Variants in SPOCK3 observed in about 807,000 individuals in gnomAD.
The protein encoded by SPOCK3 is testican-3.
In SPOCK3, 30 loss-of-function variants were observed where a neutral mutation model predicts 56.6. The observed-to-expected ratio is 0.53, with a 90% CI of 0.40 to 0.72. SPOCK3 has a LOEUF of 0.72. Among genes scored for constraint, SPOCK3 ranks in the 30% least tolerant of loss-of-function variants. SPOCK3 has a pLI of 0.00. For missense variants in SPOCK3, 527 were observed against 530.0 expected, an observed-to-expected ratio of 0.99 and a Z score of 0.06; for synonymous variants, 196 against 183.3, an observed-to-expected ratio of 1.07 and a Z score of -0.56.
chr4:167,204,912 G>A (rs1030604193), intron 2 of SPOCK3, among the ~76,000 whole-genome samples: 15 of 149,578 alleles, frequency 1.0e-4, no homozygotes, highest in East Asian at 2.0e-4. Context: ...TGCACCTTTC[G>A]ACTCCTGGGA....
At chr4:167,106,293 C>G (rs140373898) in intron 2 of SPOCK3, among the ~76,000 whole-genome samples, 1 of 151,722 alleles carries the variant, frequency 6.6e-6, no homozygotes, top group Non-Finnish European at 1.5e-5. Context: ...TCTTCTCTGA[C>G]CACAATGCAA....
At chr4:167,196,171 C>A (rs2110886466) in intron 2 of SPOCK3, among the ~76,000 whole-genome samples, 2 of 152,182 alleles carry the variant, frequency 1.3e-5, no homozygotes, top group Middle Eastern at 6.8e-3. Context: ...TAAAAATATA[C>A]CAAAAGCTAC....
chr4:166,955,463 ATAT>A (rs1282607168), intron 4 of SPOCK3, among the ~76,000 whole-genome samples: 1 of 146,598 alleles, frequency 6.8e-6, no homozygotes, highest in Non-Finnish European at 1.5e-5. Context: ...TATAATATAA[ATAT>A]TATATTATAT....
intron 2 of SPOCK3, among the ~76,000 whole-genome samples, chr4:167,176,312 G>T (rs1280941526): frequency 1.3e-5 from 2 of 151,994 alleles, no homozygotes; most frequent in Non-Finnish European, 2.9e-5. Context: ...ACCATCTTTG[G>T]GGAACCATTT....
In SPOCK3 at chr4:166,735,013, C is replaced by T. The variant is rs866508166; in HGVS notation, c.1210G>A (p.Asp404Asn). 27 of 1,563,602 alleles carry T rather than the reference C, an allele frequency of 1.7e-5. No homozygotes were observed. Among genetic ancestry groups the T allele is most frequent in the Non-Finnish European group, 2.3e-5 (26 of 1,135,056 alleles). The change falls in exon 11 of 11, where the codon GAT becomes AAT. Residue 404 changes from aspartate (D) to asparagine (N), a missense_variant. Transcript: ENST00000357545. ...ATTTCATCTTCATCATTCATAATAT[C>T]GTCTTCATCATCCTCATCATCAGTC... is the stretch of plus-strand genomic sequence containing the variant. The part of the protein sequence containing the change: ...EWTDDEDDED[D>N]IMNDEDEIED...
At position 167,092,480 on chromosome 4, in the gene SPOCK3, T is replaced by C. The variant is rs139572911; in HGVS notation, c.190-29943A>G. Among the ~76,000 whole-genome samples, 52 of 152,292 alleles carry C rather than the reference T, an allele frequency of 3.4e-4. 2 individuals carry two copies. The East Asian group carries it at 9.8e-3, about 29-fold the overall frequency. On this transcript the variant is annotated intron_variant, in intron 2 of 10. Coordinates refer to ENST00000357545, the MANE Select transcript of SPOCK3 (RefSeq NM_001040159.2). ...TCTCCTCTGAATTATTGCATTGATC[T>C]GATTTGATAAAATGTATTTGAAACT...
intron 7 of SPOCK3, among the ~76,000 whole-genome samples, chr4:166,786,198 T>C (rs945691915): frequency 5.9e-5 from 9 of 152,090 alleles, no homozygotes; most frequent in Admixed American, 4.6e-4. Context: ...GCCATACAGA[T>C]ACCTGGGGGA....
intron 2 of SPOCK3, among the ~76,000 whole-genome samples, chr4:167,123,727 A>C (rs1168588301): frequency 1.3e-5 from 2 of 150,412 alleles, no homozygotes; most frequent in South Asian, 2.1e-4. Context: ...AGCTCCAACA[A>C]GACATTTCTT....
chr4:166,919,491 A>G (rs1738254184), intron 4 of SPOCK3, among the ~76,000 whole-genome samples: 1 of 152,210 alleles, frequency 6.6e-6, no homozygotes, highest in Non-Finnish European at 1.5e-5. Context: ...ACATGACTGC[A>G]TATTTCCAAT....
chr4:167,180,001 G>A (rs967123866), intron 2 of SPOCK3, among the ~76,000 whole-genome samples: 8 of 152,174 alleles, frequency 5.3e-5, no homozygotes, highest in Admixed American at 5.2e-4. Context: ...TATACTGCAA[G>A]AAGGGAATGT....
intron 3 of SPOCK3, among the ~76,000 whole-genome samples, chr4:167,018,486 C>T (rs756747167): frequency 1.8e-4 from 28 of 152,216 alleles, no homozygotes; most frequent in South Asian, 4.1e-4. Context: ...TATAGCCATT[C>T]GCCCAGAATA....
intron 2 of SPOCK3, among the ~76,000 whole-genome samples, chr4:167,208,237 AG>A (rs570573311): frequency 1.1e-3 from 163 of 152,262 alleles, no homozygotes; most frequent in African/African-American, 3.7e-3. Context: ...GCAATTTCTT[AG>A]AGATTTATTG....
intron 2 of SPOCK3, among the ~76,000 whole-genome samples, chr4:167,223,710 G>T (rs1736302773): frequency 6.6e-6 from 1 of 152,064 alleles, no homozygotes; most frequent in Non-Finnish European, 1.5e-5. Flanking sequence ...AGCACTTGAG[G>T]AGGCCAAGGT....
intron 2 of SPOCK3, among the ~76,000 whole-genome samples, chr4:167,182,082 A>G (rs71620423): frequency 0.028 from 4,209 of 152,254 alleles, 104 homozygotes; most frequent in Middle Eastern, 0.068. Flanking sequence ...TCCTTTAATG[A>G]CTTTCTAAAT....
chr4:166,849,993 C>T (rs1216239233), intron 6 of SPOCK3, among the ~76,000 whole-genome samples: 1 of 152,072 alleles, frequency 6.6e-6, no homozygotes, highest in Non-Finnish European at 1.5e-5. Flanking sequence ...TCAATGGACA[C>T]CTGGATTGCT....
At chr4:166,736,427 C>G (rs1276867581) in intron 10 of SPOCK3, among the ~76,000 whole-genome samples, 1 of 152,060 alleles carries the variant, frequency 6.6e-6, no homozygotes, top group Non-Finnish European at 1.5e-5. Flanking sequence ...CTATTGAATC[C>G]TCTTTCTTCC....
chr4:166,877,659 A>G (rs971629981), intron 6 of SPOCK3, among the ~76,000 whole-genome samples: 12 of 152,196 alleles, frequency 7.9e-5, no homozygotes, highest in African/African-American at 2.9e-4. Flanking sequence ...GTTCTCATTA[A>G]CAGGTCATTT....
intron 4 of SPOCK3, among the ~76,000 whole-genome samples, chr4:166,995,245 A>ATGTGTGTG (rs111990523): frequency 1.3e-5 from 2 of 150,414 alleles, no homozygotes; most frequent in Admixed American, 6.6e-5. Flanking sequence ...GCATGTATGT[A>ATGTGTGTG]TGTATGTGTG....
chr4:166,904,767 T>C (rs568355936), intron 5 of SPOCK3, among the ~76,000 whole-genome samples: 28 of 152,184 alleles, frequency 1.8e-4, no homozygotes, highest in Non-Finnish European at 3.8e-4. Context: ...ATGGATAACC[T>C]ATTTACTTTT....
Sources: gnomAD v4.1 joint callset for allele counts (sites outside exome capture counted in the v4.1 genomes callset) on GRCh38, gnomAD v4.1.1 for gene constraint, MANE v1.5 for transcripts, NCBI Gene and HGNC (gene_info 2026-07-23, HGNC 2026-07-21) for gene names.